Variants in WDR25 observed in about 807,000 individuals in gnomAD.
The protein encoded by WDR25 is WD repeat-containing protein 25.
In WDR25, 35 loss-of-function variants were observed where a neutral mutation model predicts 47.7. The observed-to-expected ratio is 0.73, with a 90% confidence interval of 0.56 to 0.97. The LOEUF is 0.97. Ranked by LOEUF, WDR25 falls within the 50% of genes least tolerant of loss-of-function variation. WDR25 has a pLI of 0.00. For synonymous variants in WDR25, 248 were observed against 278.9 expected (o/e 0.89, Z 1.10); for missense variants, 634 against 704.7 (o/e 0.90, Z 1.14).
At chr14:100,388,325 G>A (rs938658720) in intron 2 of WDR25, among the ~76,000 whole-genome samples, 2 of 152,218 alleles carry the variant, frequency 1.3e-5, no homozygotes, top group Non-Finnish European at 2.9e-5. Context: ...GTGTGTGTGC[G>A]CATGTGCGTG....
At position 100,441,004 on chromosome 14, in the gene WDR25, A is replaced by T. The variant is rs117476107; in HGVS notation, c.823-27017A>T. ...CGGTCCCTGGCATTTTGAGAAAGGG[A>T]TTCTCTGTGGAGCCAATAAACAGCC... On this transcript the variant is annotated intron_variant, in intron 2 of 6. Coordinates refer to ENST00000402312, the MANE Select transcript of WDR25 (RefSeq NM_001161476.3). 3.2e-4 allele frequency among the ~76,000 whole-genome samples: 48 copies of T among 152,262 alleles called. 1 individual carries two copies. In the East Asian group the frequency reaches 7.7e-3, roughly 25 times the overall value.
intron 2 of WDR25, among the ~76,000 whole-genome samples, chr14:100,448,026 T>C (rs1372335414): frequency 2.0e-5 from 3 of 152,026 alleles, no homozygotes; most frequent in Non-Finnish European, 4.4e-5. Context: ...AAACCTTGTC[T>C]CTGCTGAAAA....
At position 100,468,288 on chromosome 14, in the gene WDR25, A is replaced by C; in HGVS notation, c.970+120A>C. On this transcript the variant is annotated intron_variant, in intron 3 of 6. Transcript: ENST00000402312. This position sits in a 1 kb window ranked among gnomAD's most constrained non-coding sequence, Gnocchi z 4.5. ...TGCGTGGCAGAGGGAGAGGGGCCTC[A>C]GGGTGGGCTCGTGCTCGGTGAGAGG... is the stretch of plus-strand genomic sequence containing the variant. The C allele has an allele frequency of 7.0e-7, 1 of 1,437,590 alleles. No individual in the cohort carries two copies. The highest frequency in any genetic ancestry group is 9.3e-7 in the Non-Finnish European group (1 of 1,076,534). The allele number at this position is 1,437,590 out of a possible 1,614,324, so 89.1% of individuals were successfully genotyped here. A position where few individuals can be genotyped will look rare whatever the true frequency, so the allele number is the denominator to read the frequency against.
At chr14:100,474,398 C>A (rs1033756129) in intron 3 of WDR25, among the ~76,000 whole-genome samples, 1 of 152,194 alleles carries the variant, frequency 6.6e-6, no homozygotes, top group African/African-American at 2.4e-5. Flanking sequence ...GCCCTCTAGG[C>A]AAAGAAAAGA....
At chr14:100,494,517 G>A (rs1041411384) in intron 4 of WDR25, among the ~76,000 whole-genome samples, 2 of 152,320 alleles carry the variant, frequency 1.3e-5, no homozygotes, top group African/African-American at 4.8e-5. Flanking sequence ...AGATGAGCTA[G>A]GTAAAAGGAA....
rs765734364 is a variant in WDR25 at position 100,500,252 on chromosome 14, C to T, written c.1101+16128C>T. 5.3e-5 allele frequency among the ~76,000 whole-genome samples: 8 copies of T among 152,088 alleles called. No individual in the cohort carries two copies. The highest frequency in any genetic ancestry group is 7.4e-5 in the Non-Finnish European group (5 of 68,002). The stretch of plus-strand genomic sequence containing the variant: ...GAGTGGGGTGGCTTGCTCACTCTTA[C>T]TTCTCTCCTGCTGCGGTTCTGGGTG... On this transcript the variant is annotated intron_variant, in intron 4 of 6. Coordinates refer to ENST00000402312, the MANE Select transcript of WDR25 (RefSeq NM_001161476.3). This position sits in a 1 kb window ranked among gnomAD's most constrained non-coding sequence, Gnocchi z 4.7.
At chr14:100,387,295 CTT>C (rs1444956240) in intron 2 of WDR25, among the ~76,000 whole-genome samples, 6 of 152,058 alleles carry the variant, frequency 3.9e-5, no homozygotes, top group African/African-American at 1.4e-4. Flanking sequence ...TACTGTAACT[CTT>C]GTTTTTTGTG....
At chr14:100,436,581 A>G (rs1442287881) in intron 2 of WDR25, among the ~76,000 whole-genome samples, 2 of 152,160 alleles carry the variant, frequency 1.3e-5, no homozygotes, top group Admixed American at 6.5e-5. Context: ...GCCATGAACT[A>G]TGGCCTGGGT....
rs1208459157 is a variant in WDR25, at chr14:100,449,990, G to A, written c.823-18031G>A. Among the ~76,000 whole-genome samples, 2 of 152,224 alleles carry A rather than the reference G, an allele frequency of 1.3e-5. No individual in the cohort carries two copies. The highest frequency in any genetic ancestry group is 2.9e-5 in the Non-Finnish European group (2 of 68,042). On this transcript the variant is annotated intron_variant, in intron 2 of 6. Transcript: ENST00000402312. The surrounding 1 kb of genome is among the most constrained non-coding windows in gnomAD (Gnocchi z 4.2). ...AAACTGGGCATTCAGTGCGTCCACAGTCCGGCGGCCCAGGCCTGCTCTCTC... is the reference window on the plus strand; with the variant it reads ...AAACTGGGCATTCAGTGCGTCCACAATCCGGCGGCCCAGGCCTGCTCTCTC...
chr14:100,501,642 C>A (rs1900928010), intron 4 of WDR25, among the ~76,000 whole-genome samples: 1 of 152,224 alleles, frequency 6.6e-6, no homozygotes. Flanking sequence ...GGGGAAAGAA[C>A]CTAAAATGGG....
chr14:100,437,269 C>T (rs1443896962), intron 2 of WDR25, among the ~76,000 whole-genome samples: 3 of 152,142 alleles, frequency 2.0e-5, no homozygotes, highest in Non-Finnish European at 4.4e-5. Context: ...TGCCCAGCCC[C>T]CCACGGCCCA....
At chr14:100,431,084 C>G (rs1050530005) in intron 2 of WDR25, among the ~76,000 whole-genome samples, 1 of 152,196 alleles carries the variant, frequency 6.6e-6, no homozygotes, top group Non-Finnish European at 1.5e-5. Flanking sequence ...ATCTATCACT[C>G]TCTTTGGCCC....
chr14:100,462,580 G>A (rs922203921), intron 2 of WDR25, among the ~76,000 whole-genome samples: 1 of 152,150 alleles, frequency 6.6e-6, no homozygotes. Context: ...CCAAGTGTGC[G>A]TTTTTCACTT....
At chr14:100,387,870 A>C (rs1013694683) in intron 2 of WDR25, among the ~76,000 whole-genome samples, 6 of 152,250 alleles carry the variant, frequency 3.9e-5, no homozygotes, top group African/African-American at 1.4e-4. Context: ...TAAGGGACAT[A>C]CAGAGAAGAG....
At chr14:100,434,734 A>C (rs560324643) in intron 2 of WDR25, among the ~76,000 whole-genome samples, 1 of 151,912 alleles carries the variant, frequency 6.6e-6, no homozygotes. Context: ...TTCCACTCCA[A>C]TCCCTTTTTC....
intron 2 of WDR25, among the ~76,000 whole-genome samples, chr14:100,464,747 T>C (rs1330962989): frequency 3.7e-4 from 3 of 8,006 alleles, no homozygotes; most frequent in African/African-American, 1.3e-3. Context: ...TCTCATCTCA[T>C]CTCATCTCAT....
chr14:100,474,934 C>T (rs1257279378), intron 3 of WDR25, among the ~76,000 whole-genome samples: 5 of 152,154 alleles, frequency 3.3e-5, no homozygotes, highest in Non-Finnish European at 7.3e-5. Context: ...AGGAACTTAA[C>T]TCAACAGCAA....
rs1004767850 is a variant in WDR25 at position 100,497,033 on chromosome 14, C to T, written c.1101+12909C>T. ...GTATTTAATAGAGATGGGGTTTCAC[C>T]GTATTGGTCAGGCTGGAAGATAGCT... On this transcript the variant is annotated intron_variant, in intron 4 of 6. Coordinates refer to ENST00000402312, the MANE Select transcript of WDR25 (RefSeq NM_001161476.3). Among the ~76,000 whole-genome samples the T allele has an allele frequency of 3.3e-5, 5 of 151,998 alleles. 1 individual carries two copies. The highest frequency in any genetic ancestry group is 1.2e-4 in the African/African-American group (5 of 41,464).
intron 2 of WDR25, among the ~76,000 whole-genome samples, chr14:100,451,245 T>C (rs1022593582): frequency 1.4e-3 from 10 of 7,144 alleles, no homozygotes; most frequent in Admixed American, 9.6e-3. Flanking sequence ...AAAGCATTCT[T>C]TTTTTTTTTT....
Sources: gnomAD v4.1 joint callset for allele counts (sites outside exome capture counted in the v4.1 genomes callset) on GRCh38, gnomAD v4.1.1 for gene constraint, Gnocchi (gnomAD v3.1) non-coding constraint, MANE v1.5 for transcripts, NCBI Gene and HGNC (gene_info 2026-07-23, HGNC 2026-07-21) for gene names.